The following LRIG1 variants were observed in gnomAD, a reference collection of about 807,000 sequenced individuals.
LRIG1 encodes the protein leucine rich repeats and immunoglobulin like domains 1.
Under a neutral mutation model 99.2 loss-of-function variants are expected in LRIG1, and 48 were observed. That is an observed-to-expected ratio of 0.48 (90% CI 0.38 to 0.62). LRIG1 has a LOEUF of 0.62. Ranked by LOEUF, LRIG1 falls within the 20% of genes least tolerant of loss-of-function variation. LRIG1 has a pLI of 0.00. For missense variants in LRIG1, 1,646 were observed against 1,434.4 expected (o/e 1.15, Z -2.38); for synonymous variants, 772 against 596.1 (o/e 1.29, Z -4.30).
chr3:66,478,867 C>G (rs1226949246), intron 1 of LRIG1, among the ~76,000 whole-genome samples: 1 of 152,268 alleles, frequency 6.6e-6, no homozygotes, highest in African/African-American at 2.4e-5. Flanking sequence ...CCCTCTACCC[C>G]CAGAGGCCTG....
intron 3 of LRIG1, among the ~76,000 whole-genome samples, chr3:66,449,179 A>T (rs921846152): frequency 6.6e-6 from 1 of 152,210 alleles, no homozygotes; most frequent in African/African-American, 2.4e-5. Flanking sequence ...AAATACAGAA[A>T]AGGCATGAAG....
intron 3 of LRIG1, among the ~76,000 whole-genome samples, chr3:66,450,025 T>C (rs1703850174): frequency 6.6e-6 from 1 of 152,264 alleles, no homozygotes; most frequent in Non-Finnish European, 1.5e-5. Context: ...TCAAGTGCTT[T>C]GCTTTATGGA....
Position 66,500,849 on chromosome 3 carries a change from T to G in LRIG1, c.-442A>C, listed in dbSNP as rs1314412678. 1 of 151,886 alleles carries G rather than the reference T, an allele frequency of 6.6e-6. No homozygotes were observed. The highest frequency in any genetic ancestry group is 2.4e-5 in the African/African-American group (1 of 41,332). The allele number at this position is 151,886 out of a possible 1,614,324, so 9.4% of individuals were successfully genotyped here. On this transcript the variant is annotated 5_prime_UTR_variant, in exon 1 of 19. Coordinates refer to ENST00000273261, the MANE Select transcript of LRIG1 (RefSeq NM_015541.3). The stretch of plus-strand genomic sequence containing the variant: ...CCTCTGGGCTCGGAGCGCAAAGCCG[T>G]AGACCTCGGGCTGGACGGCGCGGCC...
At chr3:66,468,024 AG>A (rs1700514695) in intron 1 of LRIG1, among the ~76,000 whole-genome samples, 1 of 152,164 alleles carries the variant, frequency 6.6e-6, no homozygotes. Flanking sequence ...TGAAGTTATG[AG>A]GAAGACATTC....
chr3:66,401,746 G>A (rs546565527), intron 9 of LRIG1: 14 of 1,175,500 alleles, frequency 1.2e-5, no homozygotes, highest in Middle Eastern at 2.3e-4. Flanking sequence ...TACCACAGCC[G>A]GGCTCCCTTT....
At chr3:66,386,988 C>T (rs1031710661) in intron 12 of LRIG1, 1 of 150,896 alleles carries the variant, frequency 6.6e-6, no homozygotes, top group Non-Finnish European at 1.5e-5. Flanking sequence ...CCCCAAAAGC[C>T]CCATCCTCAG....
chr3:66,492,750 T>G (rs1185403524), intron 1 of LRIG1, among the ~76,000 whole-genome samples: 1 of 152,216 alleles, frequency 6.6e-6, no homozygotes, highest in Non-Finnish European at 1.5e-5. Flanking sequence ...GTATTAGGAC[T>G]TGCAGAAATG....
intron 1 of LRIG1, among the ~76,000 whole-genome samples, chr3:66,489,775 C>T (rs189423673): frequency 3.3e-5 from 5 of 152,238 alleles, no homozygotes; most frequent in Non-Finnish European, 5.9e-5. Context: ...AGAGCTGGGA[C>T]GAAACCCCAA....
intron 3 of LRIG1, among the ~76,000 whole-genome samples, chr3:66,446,537 C>G (rs575598724): frequency 8.6e-5 from 13 of 151,684 alleles, no homozygotes; most frequent in Non-Finnish European, 1.8e-4. Flanking sequence ...TCCTGAGTAG[C>G]TGGGATTACC....
chr3:66,423,453 C>A (rs1362517838), intron 3 of LRIG1, among the ~76,000 whole-genome samples: 1 of 152,138 alleles, frequency 6.6e-6, no homozygotes, highest in South Asian at 2.1e-4. Flanking sequence ...TGCCTGTAAT[C>A]CCAGCTACTC....
In LRIG1 at chr3:66,380,156, T is replaced by TACA. The variant is rs1700948771; in HGVS notation, c.*104_*106dup. ...AGCGACTGATACTCCACATGGGAGTTACAACTATGTACAGATGAGTGACGC... is the reference window on the plus strand; with the variant it reads ...AGCGACTGATACTCCACATGGGAGTTACAACAACTATGTACAGATGAGTGACGC... On this transcript the variant is annotated 3_prime_UTR_variant, in exon 19 of 19. Coordinates refer to ENST00000273261, the MANE Select transcript of LRIG1 (RefSeq NM_015541.3). 2.4e-6 allele frequency: 2 copies of TACA among 846,768 alleles called. No individual in the cohort carries two copies. The highest frequency in any genetic ancestry group is 3.6e-5 in the South Asian group (2 of 55,378). 52.5% of individuals were successfully genotyped at this position (846,768 alleles called of 1,614,324 possible).
chr3:66,437,338 T>C (rs897433435), intron 3 of LRIG1, among the ~76,000 whole-genome samples: 1 of 152,350 alleles, frequency 6.6e-6, no homozygotes, highest in Non-Finnish European at 1.5e-5. Context: ...TGCTAGAACA[T>C]GGCAGAACCA....
chr3:66,412,983 C>G lies in LRIG1; in HGVS notation c.679G>C (p.Glu227Gln), dbSNP rs1393799896. The change falls in exon 6 of 19, where the codon GAG becomes CAG. Residue 227 changes from glutamate (E) to glutamine (Q), a missense_variant. Glu to Gln is a conservative substitution (Grantham distance 29, BLOSUM62 2). Coordinates refer to ENST00000273261, the MANE Select transcript of LRIG1 (RefSeq NM_015541.3). ...DLNRNRIRLIEGLTFQGLNSL... is the reference protein window; with the variant it reads ...DLNRNRIRLIQGLTFQGLNSL... ...TTGAGCCCCTGGAAGGTGAGGCCCT[C>G]TATCAGCCGAATCCTGTTCCGATTG... 10 of 1,614,230 alleles carry G rather than the reference C, an allele frequency of 6.2e-6. No individual in the cohort carries two copies. The highest frequency in any genetic ancestry group is 8.5e-6 in the Non-Finnish European group (10 of 1,180,038).
rs1703804981 is a variant in LRIG1, at chr3:66,448,731, T to C, written c.365+2828A>G. Among the ~76,000 whole-genome samples, 3 of 152,188 alleles carry C rather than the reference T, an allele frequency of 2.0e-5. No individual in the cohort carries two copies. In the South Asian group the frequency reaches 6.2e-4, roughly 32 times the overall value. ...GTCACTCACATGGCCTCAGCAGACA[T>C]TTGCTCTATTCTCTCTGCATATTTT... is the stretch of plus-strand genomic sequence containing the variant. On this transcript the variant is annotated intron_variant, in intron 3 of 18. Transcript: ENST00000273261.
intron 3 of LRIG1, among the ~76,000 whole-genome samples, chr3:66,443,539 G>A (rs1294905658): frequency 6.6e-6 from 1 of 151,958 alleles, no homozygotes; most frequent in Non-Finnish European, 1.5e-5. Context: ...GCAGAACAGG[G>A]AGCCTCAGCT....
chr3:66,399,156 G>A (rs1701965899), intron 9 of LRIG1, 115 bp from the exon 10 acceptor site: 3 of 840,938 alleles, frequency 3.6e-6, no homozygotes, highest in Non-Finnish European at 5.9e-6. Flanking sequence ...TACCTGATAA[G>A]TCTGTCCAGT....
Position 66,417,219 on chromosome 3 carries a change from T to C in LRIG1, c.413A>G (p.Tyr138Cys), listed in dbSNP as rs890445304. 4 of 1,614,212 alleles carry C rather than the reference T, an allele frequency of 2.5e-6. No homozygotes were observed. The highest frequency in any genetic ancestry group is 2.2e-5 in the East Asian group (1 of 44,880). Reference sequence around the variant, plus strand: ...CAGATCTAACACTTCTAAGGAAAGGTAGGCCTTCAGCTGGCTCCCCTCCAC... The same window carrying C: ...CAGATCTAACACTTCTAAGGAAAGGCAGGCCTTCAGCTGGCTCCCCTCCAC... ...RSVEGSQLKA[Y>C]LSLEVLDLSL... Residue 138 changes from tyrosine (Y) to cysteine (C), a missense_variant, in exon 4 of 19, where the codon TAC becomes TGC. Physicochemically the swap from Tyr to Cys is radical, Grantham distance 194. Coordinates refer to ENST00000273261, the MANE Select transcript of LRIG1 (RefSeq NM_015541.3).
In LRIG1 at chr3:66,412,910, G is replaced by C. The variant is rs766168660; in HGVS notation, c.752C>G (p.Thr251Arg). ...GGACAGTCCCCAGAAGGCCCCATCT[G>C]TCAGTTTGCTGATGTTGTTTCGCTG... The part of the protein sequence containing the change: ...KLQRNNISKL[T>R]DGAFWGLSKM... The change falls in exon 6 of 19, where the codon ACA becomes AGA. Residue 251 changes from threonine to arginine, a missense_variant. Thr to Arg is a moderately conservative substitution (Grantham distance 71). Coordinates refer to ENST00000273261, the MANE Select transcript of LRIG1 (RefSeq NM_015541.3). The C allele has an allele frequency of 2.0e-5, 32 of 1,614,086 alleles. No individual in the cohort carries two copies. Among genetic ancestry groups the C allele is most frequent in the Middle Eastern group, 1.6e-4 (1 of 6,084 alleles).
At position 66,407,328 on chromosome 3, in the gene LRIG1, G is replaced by A. The variant is rs1160113588; in HGVS notation, c.1079+20C>T. On this transcript the variant is annotated intron_variant, in intron 8 of 18. Coordinates refer to ENST00000273261, the MANE Select transcript of LRIG1 (RefSeq NM_015541.3). ...TCCCCACTGGGGACCCCTTTATCCT[G>A]TCAGTAGTGGGAGACGTACAAGACT... is the stretch of plus-strand genomic sequence containing the variant. 1 of 1,613,804 alleles carries A rather than the reference G, an allele frequency of 6.2e-7. No individual in the cohort carries two copies. Among genetic ancestry groups the A allele is most frequent in the East Asian group, 2.2e-5 (1 of 44,888 alleles).
Sources: allele counts gnomAD v4.1 joint callset (sites outside exome capture counted in the v4.1 genomes callset), GRCh38; gene constraint gnomAD v4.1.1; transcripts MANE v1.5; gene names NCBI Gene and HGNC (gene_info 2026-07-23, HGNC 2026-07-21).